The following DGKZ variants were observed in gnomAD, a reference collection of about 807,000 sequenced individuals.
DGKZ encodes diacylglycerol kinase zeta.
Under a neutral mutation model 142.5 loss-of-function variants are expected in DGKZ, and 45 were observed. That is an observed-to-expected ratio of 0.32 (90% confidence interval 0.25 to 0.40). The LOEUF is 0.40. Among genes scored for constraint, DGKZ ranks in the 10% least tolerant of loss-of-function variants. The pLI is 1.00. For synonymous variants in DGKZ, 442 were observed against 527.0 expected (o/e 0.84, Z 2.21); for missense variants, 755 against 1,306.5 (o/e 0.58, Z 6.51).
chr11:46,347,267 G>C, upstream of DGKZ: 1 of 976,286 alleles, frequency 1.0e-6, no homozygotes, highest in Non-Finnish European at 1.2e-6. This position sits in a 1 kb window ranked among gnomAD's most constrained non-coding sequence, Gnocchi z 6.4. Context: ...GGCCGGGCCG[G>C]GCTGGGGGCA....
chr11:46,333,440 G>A, exon 1 of DGKZ: 2 of 1,534,796 alleles, frequency 1.3e-6, no homozygotes, highest in Non-Finnish European at 1.8e-6. Context: ...GGCCCCCGGT[G>A]GAGGAGCGTT....
At chr11:46,363,008 C>T (rs944608626) in intron 1 of DGKZ, among the ~76,000 whole-genome samples, 2 of 152,194 alleles carry the variant, frequency 1.3e-5, no homozygotes, top group East Asian at 1.9e-4. Flanking sequence ...GCTCCCCACC[C>T]GGAGACCGAG....
At chr11:46,344,513 G>A (rs1219821608), upstream of DGKZ, among the ~76,000 whole-genome samples, 2 of 150,412 alleles carry the variant, frequency 1.3e-5, no homozygotes, top group Non-Finnish European at 3.0e-5. Context: ...GAGTGCAGTG[G>A]CGCGAACTCG....
intron 1 of DGKZ, among the ~76,000 whole-genome samples, chr11:46,355,809 C>T (rs529281356): frequency 1.3e-5 from 2 of 152,062 alleles, no homozygotes; most frequent in Non-Finnish European, 2.9e-5. Flanking sequence ...CGCAATGGCG[C>T]GGTCTCGGCT....
intron 1 of DGKZ, among the ~76,000 whole-genome samples, chr11:46,349,072 T>A: frequency 6.6e-6 from 1 of 152,198 alleles, no homozygotes; most frequent in Non-Finnish European, 1.5e-5. Flanking sequence ...TGATGCTGAC[T>A]TGTGCCCTCT....
Position 46,371,552 on chromosome 11 carries a change from C to T in DGKZ, c.708C>T (p.His236=), listed in dbSNP as rs575756121. The T allele has an allele frequency of 8.2e-5, 132 of 1,610,828 alleles. 1 individual carries two copies. In the South Asian group the frequency reaches 1.3e-3, roughly 16 times the overall value. ...AGGAGCCGTGCTCGCTGGGGGTCCACGCAGCCGTGGTCATCCCGCCCACCT... is the reference window on the plus strand; with the variant it reads ...AGGAGCCGTGCTCGCTGGGGGTCCATGCAGCCGTGGTCATCCCGCCCACCT... Residue 236 remains histidine (H), a synonymous_variant, in exon 8 of 31, where the codon CAC becomes CAT. Transcript: ENST00000527911.
intron 1 of DGKZ, chr11:46,364,334 G>T: frequency 7.8e-7 from 1 of 1,280,522 alleles, no homozygotes; most frequent in Middle Eastern, 2.1e-4. Flanking sequence ...CTAAGTGTTT[G>T]TCAGGGGCTT....
In DGKZ at chr11:46,349,994, A is replaced by G. The variant is rs937087528; in HGVS notation, c.161+2174A>G. 9.2e-5 allele frequency among the ~76,000 whole-genome samples: 14 copies of G among 152,210 alleles called. No homozygotes were observed. In the East Asian group the frequency reaches 2.7e-3, roughly 29 times the overall value. The stretch of plus-strand genomic sequence containing the variant: ...TTCTCATGTCCCATCAAGTTTGAGA[A>G]GCACAGTAGTCCGTCACGCTGGGGA... On this transcript the variant is annotated intron_variant, in intron 1 of 30. Transcript: ENST00000527911.
At chr11:46,379,017 C>G (rs148565335) in exon 28 of DGKZ, 2 of 1,581,898 alleles carry the variant, frequency 1.3e-6, no homozygotes, top group African/African-American at 2.7e-5. Flanking sequence ...GAGCTGGGGG[C>G]GACCTCATGC....
rs75505185 is a variant in DGKZ at position 46,379,555 on chromosome 11, A to G, written c.2675A>G (p.Lys892Arg). 1.4e-4 allele frequency: 229 copies of G among 1,609,290 alleles called. No individual in the cohort carries two copies. The highest frequency in any genetic ancestry group is 3.7e-4 in the Admixed American group (22 of 59,434). The change falls in exon 30 of 31, where the codon AAG (lysine) becomes AGG (arginine). Residue 892 changes from lysine (K) to arginine (R), a missense_variant. Lys to Arg is a conservative substitution (Grantham distance 26). Around this residue, in one of 8 missense-constraint regions of DGKZ, gnomAD observed 100 missense variants for 87.7 expected, o/e 1.14. Transcript: ENST00000527911. ...GTGGAGGCCGGGGCCTCGCTCATGA[A>G]GACAGACCAGCAGGTGAGCAGACGG...
At chr11:46,365,743 G>T in intron 1 of DGKZ, 1 of 985,410 alleles carries the variant, frequency 1.0e-6, no homozygotes, top group South Asian at 4.7e-5. Context: ...CACCTAACCT[G>T]CCCCCACCAT....
At position 46,367,544 on chromosome 11, in the gene DGKZ, T is replaced by C; in HGVS notation, c.271-108T>C. 1 of 855,100 alleles carries C rather than the reference T, an allele frequency of 1.2e-6. No homozygotes were observed. Among genetic ancestry groups the C allele is most frequent in the Non-Finnish European group, 1.5e-6 (1 of 671,252 alleles). 53.0% of individuals were successfully genotyped at this position (855,100 alleles called of 1,614,324 possible). On this transcript the variant is annotated intron_variant, in intron 2 of 30. Coordinates refer to ENST00000527911, the Ensembl canonical transcript of DGKZ. The surrounding 1 kb of genome is among the most constrained non-coding windows in gnomAD (Gnocchi z 4.1). ...GGCAGACGGAACAGAGCAGGGTCGA[T>C]CGGGGCGCTGGAGTGGGTTTGTCTT...
At chr11:46,376,805 G>A (rs2136509696) in intron 24 of DGKZ, 1 of 659,286 alleles carries the variant, frequency 1.5e-6, no homozygotes, top group East Asian at 2.7e-5. Context: ...TGGGTGGGTA[G>A]GAGGGCCTGG....
intron 1 of DGKZ, among the ~76,000 whole-genome samples, chr11:46,353,271 T>G (rs1941629459): frequency 6.6e-6 from 1 of 152,180 alleles, no homozygotes; most frequent in African/African-American, 2.4e-5. Flanking sequence ...AATGATCTTC[T>G]CATGACATTG....
chr11:46,345,987 C>T (rs1254674642), upstream of DGKZ, among the ~76,000 whole-genome samples: 2 of 152,212 alleles, frequency 1.3e-5, no homozygotes, highest in Admixed American at 1.3e-4. The surrounding 1 kb of genome is among the most constrained non-coding windows in gnomAD (Gnocchi z 4.1). Flanking sequence ...GACCCATGCA[C>T]CCCAGAGGCC....
At chr11:46,365,025 G>T in intron 1 of DGKZ, 2 of 985,474 alleles carry the variant, frequency 2.0e-6, no homozygotes, top group South Asian at 9.4e-5. Context: ...CAGGCAGGCT[G>T]CCCTTCCCCC....
At chr11:46,379,833 C>G (rs1198540330) in exon 31 of DGKZ, 1 of 1,608,408 alleles carries the variant, frequency 6.2e-7, no homozygotes. Flanking sequence ...TCCTCCAGGG[C>G]GACACTCCCC....
chr11:46,337,142 C>T (rs1940054261), intron 1 of DGKZ, among the ~76,000 whole-genome samples: 1 of 152,048 alleles, frequency 6.6e-6, no homozygotes, highest in Non-Finnish European at 1.5e-5. Context: ...GGAGAGCAGG[C>T]TCCAGCTAGG....
intron 1 of DGKZ, among the ~76,000 whole-genome samples, chr11:46,348,046 G>C (rs538033689): frequency 5.3e-5 from 8 of 152,138 alleles, no homozygotes; most frequent in African/African-American, 1.9e-4. Flanking sequence ...ACTGTCACCG[G>C]GTGGGGGTCA....
Sources: gnomAD v4.1 joint callset for allele counts (sites outside exome capture counted in the v4.1 genomes callset) on GRCh38, gnomAD v4.1.1 for gene constraint, gnomAD v4.1.1 regional missense constraint, Gnocchi (gnomAD v3.1) non-coding constraint, MANE v1.5 for transcripts, NCBI Gene and HGNC (gene_info 2026-07-23, HGNC 2026-07-21) for gene names.